Variants in TBC1D5 observed in about 807,000 individuals in gnomAD.
The protein encoded by TBC1D5 is TBC1 domain family, member 5.
Under a neutral mutation model 100.3 loss-of-function variants are expected in TBC1D5, and 75 were observed. The observed-to-expected ratio is 0.75, with a 90% CI of 0.62 to 0.91. The LOEUF is 0.91. Ranked by LOEUF, TBC1D5 falls within the 40% of genes least tolerant of loss-of-function variation. TBC1D5 has a pLI of 0.00. For missense variants in TBC1D5, 910 were observed against 942.4 expected (o/e 0.97, Z 0.45); for synonymous variants, 323 against 325.6 (o/e 0.99, Z 0.09).
At chr3:17,504,689 C>G (rs2095825583) in intron 3 of TBC1D5, among the ~76,000 whole-genome samples, 1 of 152,124 alleles carries the variant, frequency 6.6e-6, no homozygotes, top group Non-Finnish European at 1.5e-5. Context: ...AGTAAAAAGA[C>G]TTTTTCATCT....
chr3:17,612,826 C>A (rs986848354), intron 2 of TBC1D5, among the ~76,000 whole-genome samples: 3 of 148,530 alleles, frequency 2.0e-5, no homozygotes, highest in Admixed American at 2.0e-4. Flanking sequence ...GAAAAAAAAA[C>A]AGTTACACTT....
At chr3:17,203,055 CCA>C (rs2071675953) in intron 18 of TBC1D5, among the ~76,000 whole-genome samples, 1 of 151,330 alleles carries the variant, frequency 6.6e-6, no homozygotes, top group Admixed American at 6.6e-5. Flanking sequence ...CCTGGAAATG[CCA>C]CAGTCACTAA....
At chr3:17,301,230 T>C (rs2082799312) in intron 14 of TBC1D5, among the ~76,000 whole-genome samples, 1 of 152,172 alleles carries the variant, frequency 6.6e-6, no homozygotes, top group African/African-American at 2.4e-5. Context: ...AAAAGGTATG[T>C]TATGTTTAAA....
chr3:17,584,474 T>G (rs1213681678), intron 2 of TBC1D5, among the ~76,000 whole-genome samples: 1 of 152,210 alleles, frequency 6.6e-6, no homozygotes, highest in African/African-American at 2.4e-5. Flanking sequence ...GGAAGGCTCT[T>G]AGAAACTCAT....
At chr3:17,542,938 G>A (rs565875074) in intron 2 of TBC1D5, among the ~76,000 whole-genome samples, 3 of 152,224 alleles carry the variant, frequency 2.0e-5, no homozygotes, top group East Asian at 1.9e-4. Context: ...TATTAGGAAC[G>A]TTTTTCTTGA....
At chr3:17,711,984 A>G (rs917314481) in intron 1 of TBC1D5, among the ~76,000 whole-genome samples, 6 of 152,254 alleles carry the variant, frequency 3.9e-5, no homozygotes, top group Non-Finnish European at 7.3e-5. Flanking sequence ...GCCAGTACCA[A>G]AGAACAACAA....
At chr3:17,432,938 A>G (rs1406845852) in intron 3 of TBC1D5, among the ~76,000 whole-genome samples, 2 of 152,230 alleles carry the variant, frequency 1.3e-5, no homozygotes, top group Non-Finnish European at 2.9e-5. Flanking sequence ...AAAAGCTGTA[A>G]TAAACAGTCA....
chr3:17,317,513 C>CAA (rs1157709374), intron 13 of TBC1D5, among the ~76,000 whole-genome samples: 1 of 152,156 alleles, frequency 6.6e-6, no homozygotes, highest in Admixed American at 6.5e-5. Context: ...TAAATGGAAA[C>CAA]AAAAGAGTTA....
At chr3:17,380,563 A>G (rs569431427) in intron 9 of TBC1D5, among the ~76,000 whole-genome samples, 9 of 152,112 alleles carry the variant, frequency 5.9e-5, no homozygotes, top group East Asian at 1.9e-4. Context: ...CCCAAAATGT[A>G]TATTTTGCTT....
At chr3:17,577,866 ACTGT>A (rs1184692354) in intron 2 of TBC1D5, among the ~76,000 whole-genome samples, 1 of 152,026 alleles carries the variant, frequency 6.6e-6, no homozygotes, top group Admixed American at 6.6e-5. Context: ...ACAGCCAAGT[ACTGT>A]CTAAGAAGCC....
chr3:17,606,483 C>T (rs1338552930), intron 2 of TBC1D5, among the ~76,000 whole-genome samples: 1 of 152,004 alleles, frequency 6.6e-6, no homozygotes, highest in Non-Finnish European at 1.5e-5. Flanking sequence ...TTACTCAAAC[C>T]TTTGGCTATC....
chr3:17,601,018 C>G (rs117163706), intron 2 of TBC1D5, among the ~76,000 whole-genome samples: 1 of 152,164 alleles, frequency 6.6e-6, no homozygotes, highest in East Asian at 1.9e-4. Context: ...GAATAATAGC[C>G]TTCCCAGTCC....
intron 3 of TBC1D5, among the ~76,000 whole-genome samples, chr3:17,450,402 T>C (rs1339173522): frequency 6.6e-6 from 1 of 152,136 alleles, no homozygotes; most frequent in Non-Finnish European, 1.5e-5. Context: ...ATTACAGAAG[T>C]AGGCTTCAGA....
chr3:17,433,749 C>G (rs1287915610), intron 3 of TBC1D5, among the ~76,000 whole-genome samples: 3 of 152,098 alleles, frequency 2.0e-5, no homozygotes, highest in Non-Finnish European at 4.4e-5. Context: ...CCCAAAAGTC[C>G]AAGTCCAAGG....
chr3:17,357,735 C>T (rs980105221), intron 13 of TBC1D5, among the ~76,000 whole-genome samples: 7 of 152,326 alleles, frequency 4.6e-5, no homozygotes, highest in African/African-American at 1.4e-4. Context: ...AAGAACTCCA[C>T]ATGGAAACCC....
chr3:17,548,247 G>A (rs566902288), intron 2 of TBC1D5, among the ~76,000 whole-genome samples: 6 of 152,056 alleles, frequency 3.9e-5, no homozygotes, highest in South Asian at 4.1e-4. Flanking sequence ...TCCAGGAGGC[G>A]GAGGTTGCAA....
intron 2 of TBC1D5, among the ~76,000 whole-genome samples, chr3:17,583,446 C>T (rs915333561): frequency 2.0e-5 from 3 of 151,890 alleles, no homozygotes; most frequent in Non-Finnish European, 4.4e-5. Context: ...TGGAACCCGG[C>T]TGGGTGCGAT....
chr3:17,292,387 A>G (rs1411400531), intron 14 of TBC1D5, among the ~76,000 whole-genome samples: 11 of 146,872 alleles, frequency 7.5e-5, no homozygotes, highest in Non-Finnish European at 1.1e-4. Context: ...GAACCAGTTT[A>G]AGATTTTCAT....
rs2153226469 is a variant in TBC1D5 at position 17,505,278 on chromosome 3, T to G, written c.97+3196A>C. Among the ~76,000 whole-genome samples, 3 of 152,226 alleles carry G rather than the reference T, an allele frequency of 2.0e-5. 1 individual carries two copies. The South Asian group carries it at 6.2e-4, about 32-fold the overall frequency. On this transcript the variant is annotated intron_variant, in intron 3 of 21. Transcript: ENST00000253692. ...CATCCCCTTGGTGACAAGTGAGTTC[T>G]CAGTTCACTTGAGATCTAGTTGCTT...
Sources: gnomAD v4.1 joint callset for allele counts (sites outside exome capture counted in the v4.1 genomes callset) on GRCh38, gnomAD v4.1.1 for gene constraint, MANE v1.5 for transcripts, NCBI Gene and HGNC (gene_info 2026-07-23, HGNC 2026-07-21) for gene names.